Variants in ZNF503 observed in about 807,000 individuals in gnomAD.
ZNF503 encodes the protein zinc finger protein 503.
ZNF503 carries 15 observed loss-of-function variants against 34.4 expected under a neutral mutation model. The observed-to-expected ratio is 0.44, with a 90% CI of 0.29 to 0.67. The LOEUF (loss-of-function observed/expected upper bound fraction) is 0.67, where lower values mean the gene tolerates loss of function less well. Among genes scored for constraint, ZNF503 ranks in the 30% least tolerant of loss-of-function variants. The pLI is 0.13. For synonymous variants in ZNF503, 580 were observed against 456.8 expected, an observed-to-expected ratio of 1.27 and a Z score of -3.44; for missense variants, 1,007 against 926.8, an observed-to-expected ratio of 1.09 and a Z score of -1.12.
the ZNF503 span, among the ~76,000 whole-genome samples, chr10:75,322,192 T>C: frequency 6.6e-6 from 1 of 151,508 alleles, no homozygotes; most frequent in Non-Finnish European, 1.5e-5. Flanking sequence ...TGGTCAATCT[T>C]GGTTCACTGC....
the ZNF503 span, among the ~76,000 whole-genome samples, chr10:75,308,441 T>C: frequency 5.9e-5 from 9 of 152,306 alleles, no homozygotes; most frequent in East Asian, 1.9e-4. Context: ...CTTTAGCCAA[T>C]GAATTAAGGA....
chr10:75,289,363 C>T, the ZNF503 span, among the ~76,000 whole-genome samples: 5 of 152,046 alleles, frequency 3.3e-5, no homozygotes, highest in East Asian at 3.9e-4. Flanking sequence ...CCCTATTGTT[C>T]GGTTACTACT....
At chr10:75,366,936 C>T in the ZNF503 span, among the ~76,000 whole-genome samples, 46 of 152,306 alleles carry the variant, frequency 3.0e-4, no homozygotes, top group South Asian at 3.9e-3. Flanking sequence ...CTCTTACTGG[C>T]TCCTCCCCTT....
chr10:75,393,477 C>T (rs999774945), downstream of ZNF503, among the ~76,000 whole-genome samples: 3 of 152,088 alleles, frequency 2.0e-5, no homozygotes, highest in African/African-American at 7.2e-5. Flanking sequence ...AATAAGGTTG[C>T]CCATGAGGTG....
chr10:75,286,867 AGTTGTG>A, the ZNF503 span, among the ~76,000 whole-genome samples: 9 of 152,274 alleles, frequency 5.9e-5, no homozygotes, highest in African/African-American at 1.9e-4. Flanking sequence ...ACATCCTCAT[AGTTGTG>A]TGTGAACTGT....
In ZNF503 at chr10:75,399,232, C is replaced by T. The variant is rs1020124449; in HGVS notation, c.1458G>A (p.Ala486=). The T allele has an allele frequency of 8.2e-6, 13 of 1,589,722 alleles. No homozygotes were observed. Among genetic ancestry groups the T allele is most frequent in the African/African-American group, 2.7e-5 (2 of 74,452 alleles). Residue 486 remains alanine (A), a synonymous_variant, in exon 2 of 2, where the codon GCG becomes GCA. Coordinates refer to ENST00000372524, the MANE Select transcript of ZNF503 (RefSeq NM_032772.6). ...HGVHSSLTAA[A]AAGATPPSLA... ...GGGAGGGCGGTGTGGCGCCAGCAGC[C>T]GCGGCGGCCGTTAGCGAGGAGTGCA...
chr10:75,336,752 T>C, the ZNF503 span, among the ~76,000 whole-genome samples: 2 of 152,180 alleles, frequency 1.3e-5, no homozygotes, highest in Non-Finnish European at 2.9e-5. Context: ...ATTCAGGTTG[T>C]TGGCAGATTC....
chr10:75,318,549 G>A, the ZNF503 span, among the ~76,000 whole-genome samples: 1 of 151,622 alleles, frequency 6.6e-6, no homozygotes, highest in Non-Finnish European at 1.5e-5. Context: ...CATGCCTGTA[G>A]TACCAGCTGC....
the ZNF503 span, among the ~76,000 whole-genome samples, chr10:75,373,897 C>G: frequency 2.6e-5 from 4 of 152,356 alleles, no homozygotes; most frequent in East Asian, 7.7e-4. Context: ...TTCCACACAT[C>G]ATTCCAGGAC....
the ZNF503 span, among the ~76,000 whole-genome samples, chr10:75,357,233 T>C: frequency 4.6e-5 from 7 of 151,706 alleles, no homozygotes; most frequent in African/African-American, 1.7e-4. Flanking sequence ...ATAATCACAA[T>C]AGGGCCGGGC....
At chr10:75,375,970 C>G in the ZNF503 span, among the ~76,000 whole-genome samples, 1 of 152,110 alleles carries the variant, frequency 6.6e-6, no homozygotes, top group Non-Finnish European at 1.5e-5. Context: ...AGAGGGAACC[C>G]CAGAGTGGGA....
chr10:75,388,473 G>A, the ZNF503 span, among the ~76,000 whole-genome samples: 1 of 152,228 alleles, frequency 6.6e-6, no homozygotes, highest in African/African-American at 2.4e-5. Context: ...AGAAAGGCAG[G>A]TATCTGTGGC....
the ZNF503 span, among the ~76,000 whole-genome samples, chr10:75,349,797 C>G: frequency 2.0e-5 from 3 of 152,232 alleles, no homozygotes; most frequent in Non-Finnish European, 2.9e-5. Context: ...AACCCAGAAC[C>G]AGGGTCCAAA....
chr10:75,333,202 C>G, the ZNF503 span, among the ~76,000 whole-genome samples: 3 of 122,328 alleles, frequency 2.5e-5, no homozygotes, highest in African/African-American at 9.9e-5. Context: ...CCCCTCACCT[C>G]CCGGACGGGG....
At chr10:75,337,270 A>T in the ZNF503 span, among the ~76,000 whole-genome samples, 1 of 151,838 alleles carries the variant, frequency 6.6e-6, no homozygotes, top group East Asian at 1.9e-4. Context: ...CCAAGGTTGC[A>T]GTGAGCCGAG....
the ZNF503 span, chr10:75,358,884 TC>T: frequency 6.6e-6 from 1 of 152,010 alleles, no homozygotes; most frequent in Non-Finnish European, 1.5e-5. Context: ...CCCACTCCTT[TC>T]CCCTCCCAAC....
the ZNF503 span, among the ~76,000 whole-genome samples, chr10:75,280,640 C>T: frequency 8.6e-5 from 13 of 151,770 alleles, no homozygotes; most frequent in Non-Finnish European, 1.6e-4. Context: ...ATAAAACATA[C>T]GGTTATGGGG....
chr10:75,293,614 C>T, the ZNF503 span, among the ~76,000 whole-genome samples: 1 of 132,228 alleles, frequency 7.6e-6, no homozygotes, highest in East Asian at 2.0e-4. Flanking sequence ...TACCAGAGTG[C>T]CCCCCCCGTC....
chr10:75,394,811 T>C (rs1347600247), downstream of ZNF503, among the ~76,000 whole-genome samples: 2 of 152,214 alleles, frequency 1.3e-5, no homozygotes, highest in Non-Finnish European at 2.9e-5. Flanking sequence ...TTGTGCTTAC[T>C]CAGAGGTCCA....
Sources: allele counts gnomAD v4.1 joint callset (sites outside exome capture counted in the v4.1 genomes callset), GRCh38; gene constraint gnomAD v4.1.1; transcripts MANE v1.5; gene names NCBI Gene and HGNC (gene_info 2026-07-23, HGNC 2026-07-21).